The following VWA8 variants were observed in gnomAD, a reference collection of about 807,000 sequenced individuals.
VWA8 encodes the protein von Willebrand factor A domain containing 8.
In VWA8, 221 loss-of-function variants were observed where a neutral mutation model predicts 241.5. The observed-to-expected ratio is 0.91, with a 90% CI of 0.82 to 1.02. The LOEUF (loss-of-function observed/expected upper bound fraction) is 1.02, where lower values mean the gene tolerates loss of function less well. Among genes scored for constraint, VWA8 ranks in the 50% least tolerant of loss-of-function variants. The pLI is 0.00. For synonymous variants in VWA8, 852 were observed against 827.1 expected, an observed-to-expected ratio of 1.03 and a Z score of -0.52; for missense variants, 2,322 against 2,328.7, an observed-to-expected ratio of 1.00 and a Z score of 0.06.
intron 17 of VWA8, among the ~76,000 whole-genome samples, chr13:41,797,515 T>C (rs762633067): frequency 6.6e-5 from 10 of 152,176 alleles, no homozygotes; most frequent in Non-Finnish European, 1.2e-4. Flanking sequence ...ATATGATCTG[T>C]CAGTTTCTGA....
intron 2 of VWA8, among the ~76,000 whole-genome samples, chr13:41,923,647 T>G (rs1876675517): frequency 6.6e-6 from 1 of 151,870 alleles, no homozygotes; most frequent in African/African-American, 2.4e-5. Context: ...AGAGATACCC[T>G]CATCTAAGAC....
intron 40 of VWA8, among the ~76,000 whole-genome samples, chr13:41,594,044 C>A (rs902385690): frequency 3.3e-5 from 5 of 152,070 alleles, no homozygotes; most frequent in Non-Finnish European, 1.5e-5. Context: ...TTAGCTGCTA[C>A]ATGGTTTTAT....
intron 2 of VWA8, among the ~76,000 whole-genome samples, chr13:41,913,028 G>A (rs974202805): frequency 2.0e-5 from 3 of 151,780 alleles, no homozygotes; most frequent in African/African-American, 7.3e-5. Context: ...ACAGAACAAT[G>A]AATAAATACA....
chr13:41,574,083 C>T (rs1178766610), intron 43 of VWA8, among the ~76,000 whole-genome samples: 2 of 149,878 alleles, frequency 1.3e-5, no homozygotes, highest in Non-Finnish European at 3.0e-5. Context: ...GCCCCACAAG[C>T]ATATAAACTT....
chr13:41,946,782 C>T (rs866596882), intron 2 of VWA8, among the ~76,000 whole-genome samples: 1 of 152,156 alleles, frequency 6.6e-6, no homozygotes, highest in Admixed American at 6.5e-5. Context: ...CCTCAAGAAG[C>T]TGACAAAGAT....
intron 13 of VWA8, among the ~76,000 whole-genome samples, chr13:41,832,377 A>G (rs140081202): frequency 6.6e-6 from 1 of 152,254 alleles, no homozygotes; most frequent in African/African-American, 2.4e-5. Flanking sequence ...TGCAAGAGAT[A>G]GCTAATAAAA....
chr13:41,607,669 T>C lies in VWA8; in HGVS notation c.4878-2393A>G, dbSNP rs575554556. Among the ~76,000 whole-genome samples the C allele has an allele frequency of 2.0e-5, 3 of 152,162 alleles. No individual in the cohort carries two copies. In the South Asian group the frequency reaches 6.2e-4, roughly 32 times the overall value. The stretch of plus-strand genomic sequence containing the variant: ...GGGAGGGGATGGAGGAGAGAATATA[T>C]AGAAATATGTGATTAAATTAGCGCA... On this transcript the variant is annotated intron_variant, in intron 39 of 44. Coordinates refer to ENST00000379310, the MANE Select transcript of VWA8 (RefSeq NM_015058.2).
At chr13:41,770,454 A>AG (rs1049846121) in intron 20 of VWA8, among the ~76,000 whole-genome samples, 7 of 150,908 alleles carry the variant, frequency 4.6e-5, no homozygotes, top group African/African-American at 1.7e-4. Context: ...AAAAAAAAAA[A>AG]AAAGAAAAGA....
chr13:41,695,696 G>A (rs1282114426), intron 29 of VWA8, among the ~76,000 whole-genome samples: 2 of 152,250 alleles, frequency 1.3e-5, no homozygotes, highest in Non-Finnish European at 2.9e-5. Flanking sequence ...TCAGGGTTCC[G>A]AAGCAGTTTC....
intron 2 of VWA8, among the ~76,000 whole-genome samples, chr13:41,949,031 TAAAAAAAA>T (rs35506856): frequency 1.6e-5 from 1 of 63,390 alleles, no homozygotes; most frequent in African/African-American, 6.5e-5. Flanking sequence ...TCTACCATCA[TAAAAAAAA>T]AAAAAAAAAA....
intron 12 of VWA8, among the ~76,000 whole-genome samples, chr13:41,855,554 A>G (rs535197829): frequency 2.0e-5 from 3 of 152,020 alleles, no homozygotes; most frequent in South Asian, 4.1e-4. Context: ...AATGTATTAT[A>G]TAAGTGAAAG....
intron 12 of VWA8, among the ~76,000 whole-genome samples, chr13:41,839,204 T>A (rs183284188): frequency 5.3e-5 from 8 of 152,342 alleles, no homozygotes; most frequent in African/African-American, 9.6e-5. Context: ...TGGCATGAGA[T>A]AGTATCTCAT....
intron 18 of VWA8, among the ~76,000 whole-genome samples, chr13:41,784,775 C>A (rs920432412): frequency 1.1e-4 from 12 of 107,044 alleles, no homozygotes; most frequent in Admixed American, 8.5e-4. Context: ...CACACACACA[C>A]TAAAACATAA....
chr13:41,619,748 T>A (rs899510218), intron 37 of VWA8, among the ~76,000 whole-genome samples: 1 of 152,278 alleles, frequency 6.6e-6, no homozygotes, highest in South Asian at 2.1e-4. Flanking sequence ...TTGTCTTTGG[T>A]TCTGTTTATG....
intron 37 of VWA8, among the ~76,000 whole-genome samples, chr13:41,619,347 T>C (rs1286446573): frequency 6.6e-6 from 1 of 152,246 alleles, no homozygotes; most frequent in Non-Finnish European, 1.5e-5. Context: ...TGAAGTTGTT[T>C]ATCAGCTTAA....
At chr13:41,834,846 G>A (rs1871644165) in intron 12 of VWA8, among the ~76,000 whole-genome samples, 1 of 152,138 alleles carries the variant, frequency 6.6e-6, no homozygotes. Flanking sequence ...GCCCATCAAT[G>A]ATAGACTGGA....
intron 12 of VWA8, among the ~76,000 whole-genome samples, chr13:41,856,719 G>A (rs897239676): frequency 2.6e-5 from 4 of 152,108 alleles, no homozygotes; most frequent in Admixed American, 2.0e-4. Flanking sequence ...AGCTACTTGG[G>A]AGGCTGAGGT....
chr13:41,719,829 T>C (rs2137846779), intron 25 of VWA8, 87 bp from the exon 26 acceptor site: 1 of 1,263,970 alleles, frequency 7.9e-7, no homozygotes, highest in Non-Finnish European at 1.1e-6. Flanking sequence ...ACAATAATGA[T>C]CAAATGAACT....
At position 41,811,359 on chromosome 13, in the gene VWA8, A is replaced by G. The variant is rs752370723; in HGVS notation, c.1948-19T>C. The stretch of plus-strand genomic sequence containing the variant: ...ATTGTGCCTATCAAAAGACAAATAC[A>G]TTGTGTTAAGAGTCTTGTTTCAACT... On this transcript the variant is annotated intron_variant, in intron 16 of 44. Transcript: ENST00000379310. 8.2e-6 allele frequency: 13 copies of G among 1,593,658 alleles called. No individual in the cohort carries two copies. Among genetic ancestry groups the G allele is most frequent in the Non-Finnish European group, 1.0e-5 (12 of 1,163,660 alleles).
Sources: allele counts gnomAD v4.1 joint callset (sites outside exome capture counted in the v4.1 genomes callset), GRCh38; gene constraint gnomAD v4.1.1; transcripts MANE v1.5; gene names NCBI Gene and HGNC (gene_info 2026-07-23, HGNC 2026-07-21).